Variants in EPB41L5 observed in about 807,000 individuals in gnomAD.
The protein encoded by EPB41L5 is erythrocyte membrane protein band 4.1 like 5.
EPB41L5 carries 55 observed loss-of-function variants against 106.6 expected under a neutral mutation model. That is an observed-to-expected ratio of 0.52 (90% CI 0.42 to 0.65). The LOEUF (loss-of-function observed/expected upper bound fraction) is 0.65, where lower values mean the gene tolerates loss of function less well. EPB41L5 is among the 30% of genes least tolerant of loss of function. The pLI is 0.00. For missense variants in EPB41L5, 871 were observed against 882.1 expected, an observed-to-expected ratio of 0.99 and a Z score of 0.16; for synonymous variants, 297 against 306.7, an observed-to-expected ratio of 0.97 and a Z score of 0.33.
intron 16 of EPB41L5, chr2:120,106,182 A>G: frequency 1.0e-6 from 1 of 985,372 alleles, no homozygotes; most frequent in Non-Finnish European, 1.2e-6. Flanking sequence ...ACCTTGTTGT[A>G]AAGAATTGAT....
intron 1 of EPB41L5, 26 bp from the exon 2 acceptor site, chr2:120,019,051 C>T (rs1677738778): frequency 6.4e-7 from 1 of 1,558,872 alleles, no homozygotes; most frequent in Non-Finnish European, 8.7e-7. Flanking sequence ...TTTCCTGATG[C>T]CATCTTTTTC....
chr2:120,032,914 C>A (rs1271138011), intron 2 of EPB41L5, among the ~76,000 whole-genome samples: 1 of 152,192 alleles, frequency 6.6e-6, no homozygotes, highest in African/African-American at 2.4e-5. Flanking sequence ...GTATAACTAA[C>A]ATCTAACACA....
In EPB41L5 at chr2:120,167,506, C is replaced by A; in HGVS notation, c.2003C>A (p.Pro668Gln). The change falls in exon 23 of 25, where the codon CCG becomes CAG. Residue 668 changes from proline (P) to glutamine (Q), a missense_variant and splice_region_variant. Transcript: ENST00000263713. ...ATGATCACACCCCGGTGGATTGTTC[C>A]GGTAAGTTCATGTTATTTGTGATTT... ...TSMITPRWIVPQSGAMSNGLA... is the reference protein window; with the variant it reads ...TSMITPRWIVQQSGAMSNGLA... The A allele has an allele frequency of 1.2e-6, 2 of 1,613,586 alleles. No individual in the cohort carries two copies. Among genetic ancestry groups the A allele is most frequent in the South Asian group, 2.2e-5 (2 of 91,044 alleles).
intron 19 of EPB41L5, among the ~76,000 whole-genome samples, chr2:120,144,379 A>G (rs1686311241): frequency 6.6e-6 from 1 of 152,194 alleles, no homozygotes; most frequent in African/African-American, 2.4e-5. Context: ...AATATTTGTT[A>G]TTTATAGGCC....
At chr2:120,028,607 A>C (rs1678495852) in intron 2 of EPB41L5, among the ~76,000 whole-genome samples, 2 of 152,126 alleles carry the variant, frequency 1.3e-5, no homozygotes, top group African/African-American at 4.8e-5. Context: ...ATGCCTGGAG[A>C]CTGCTACGGT....
At chr2:120,136,086 T>TG (rs1558899269) in intron 18 of EPB41L5, among the ~76,000 whole-genome samples, 1 of 114,818 alleles carries the variant, frequency 8.7e-6, no homozygotes, top group Non-Finnish European at 1.8e-5. Flanking sequence ...GTTAAAAAGC[T>TG]GGGGGTGGGG....
intron 16 of EPB41L5, among the ~76,000 whole-genome samples, chr2:120,124,055 TG>T (rs1226158792): frequency 6.6e-6 from 1 of 152,188 alleles, no homozygotes; most frequent in Non-Finnish European, 1.5e-5. Flanking sequence ...AAGACTTACT[TG>T]GTTGGTTCTT....
chr2:120,050,286 C>G (rs182444203), intron 3 of EPB41L5, among the ~76,000 whole-genome samples: 18 of 152,322 alleles, frequency 1.2e-4, no homozygotes, highest in Middle Eastern at 3.4e-3. Flanking sequence ...TTCTCCCCTT[C>G]ACTTTCAGGT....
chr2:120,032,497 A>G (rs1253497278), intron 2 of EPB41L5, among the ~76,000 whole-genome samples: 1 of 148,730 alleles, frequency 6.7e-6, no homozygotes, highest in Non-Finnish European at 1.5e-5. Context: ...TCTGTAAATG[A>G]TGAGGAATGA....
At chr2:120,051,984 G>T (rs1680320703) in intron 3 of EPB41L5, among the ~76,000 whole-genome samples, 1 of 152,046 alleles carries the variant, frequency 6.6e-6, no homozygotes, top group Non-Finnish European at 1.5e-5. Context: ...ACACCACCGT[G>T]CCTGGCTAAT....
At chr2:120,138,296 G>A (rs1367890501) in intron 18 of EPB41L5, among the ~76,000 whole-genome samples, 1 of 152,036 alleles carries the variant, frequency 6.6e-6, no homozygotes, top group Non-Finnish European at 1.5e-5. Context: ...AAAAGGCAAG[G>A]ATGCCCACTT....
intron 16 of EPB41L5, chr2:120,104,126 A>G (rs2105407392): frequency 6.5e-7 from 1 of 1,535,984 alleles, no homozygotes; most frequent in Non-Finnish European, 8.7e-7. Flanking sequence ...CCTTGCCCCC[A>G]CCCCAGACCG....
chr2:120,096,090 C>A (rs1683735659), intron 14 of EPB41L5, among the ~76,000 whole-genome samples: 1 of 151,862 alleles, frequency 6.6e-6, no homozygotes, highest in Non-Finnish European at 1.5e-5. Flanking sequence ...AGATTCAGAC[C>A]ATACCCACAA....
At chr2:120,130,356 A>G (rs1422852177) in intron 17 of EPB41L5, among the ~76,000 whole-genome samples, 1 of 152,224 alleles carries the variant, frequency 6.6e-6, no homozygotes, top group Non-Finnish European at 1.5e-5. Flanking sequence ...TTAAGAGTTT[A>G]AGGTCATCAA....
chr2:120,033,539 C>A (rs949947343), intron 2 of EPB41L5, among the ~76,000 whole-genome samples: 18 of 151,710 alleles, frequency 1.2e-4, no homozygotes, highest in Admixed American at 4.6e-4. Context: ...GAAACCCCAT[C>A]TCTATTAAAA....
At chr2:120,138,897 G>A (rs533832461) in intron 18 of EPB41L5, among the ~76,000 whole-genome samples, 15 of 151,692 alleles carry the variant, frequency 9.9e-5, no homozygotes, top group Non-Finnish European at 1.8e-4. Context: ...AAGAAAAAAC[G>A]AAACTTTAGA....
In EPB41L5 at chr2:120,075,687, T is replaced by C; in HGVS notation, c.453-14T>C. On this transcript the variant is annotated splice_polypyrimidine_tract_variant and intron_variant, in intron 6 of 24. Coordinates refer to ENST00000263713, the MANE Select transcript of EPB41L5 (RefSeq NM_020909.4). ...GAAATCAACTTGTCTAACAAACTTG[T>C]GTTTTGGTCTCAGATTAGACTGTCC... The C allele has an allele frequency of 6.2e-7, 1 of 1,610,720 alleles. No individual in the cohort carries two copies. Among genetic ancestry groups the C allele is most frequent in the Non-Finnish European group, 8.5e-7 (1 of 1,177,212 alleles).
intron 19 of EPB41L5, among the ~76,000 whole-genome samples, chr2:120,145,867 A>G (rs185449262): frequency 1.2e-3 from 179 of 152,090 alleles, no homozygotes; most frequent in Middle Eastern, 6.8e-3. Flanking sequence ...AATCACTTGA[A>G]CCTGGGAGGC....
At chr2:120,154,900 T>C (rs1366509197) in intron 20 of EPB41L5, among the ~76,000 whole-genome samples, 1 of 152,098 alleles carries the variant, frequency 6.6e-6, no homozygotes, top group Non-Finnish European at 1.5e-5. Context: ...CAGTCCAGCC[T>C]GGGCGACAGA....
Sources: allele counts gnomAD v4.1 joint callset (sites outside exome capture counted in the v4.1 genomes callset), GRCh38; gene constraint gnomAD v4.1.1; transcripts MANE v1.5; gene names NCBI Gene and HGNC (gene_info 2026-07-23, HGNC 2026-07-21).